Variants in XDH observed in about 807,000 individuals in gnomAD.
XDH encodes the protein xanthine dehydrogenase/oxidase.
Under a neutral mutation model 156.1 loss-of-function variants are expected in XDH, and 138 were observed. The observed-to-expected ratio is 0.88, with a 90% CI of 0.77 to 1.02. XDH has a LOEUF of 1.02. XDH is among the 50% of genes least tolerant of loss of function. The probability of loss-of-function intolerance (pLI) is 0.00; values close to 1 mark genes in which losing one functional copy is unlikely to be tolerated. For synonymous variants in XDH, 669 were observed against 625.7 expected, an observed-to-expected ratio of 1.07 and a Z score of -1.03; for missense variants, 1,849 against 1,684.9, an observed-to-expected ratio of 1.10 and a Z score of -1.71.
rs767245539 is a variant in XDH at position 31,377,217 on chromosome 2, G to A, written c.1263C>T (p.Phe421=). The A allele has an allele frequency of 1.2e-6, 2 of 1,614,144 alleles. No homozygotes were observed. Among genetic ancestry groups the A allele is most frequent in the South Asian group, 2.2e-5 (2 of 91,078 alleles). ...CATCTTCTCTCCGGGAGGCCTGCTT[G>A]AATGCTGAGAAATACTCCCCCTAAA... ...YSREGEYFSA[F]KQASRREDDI... The change falls in exon 14 of 36, where the codon TTC becomes TTT. Residue 421 remains phenylalanine (F), a synonymous_variant. Coordinates refer to ENST00000379416, the MANE Select transcript of XDH (RefSeq NM_000379.4).
chr2:31,348,397 C>G lies in XDH; in HGVS notation c.3052-34G>C, dbSNP rs367941268. The G allele has an allele frequency of 3.7e-6, 6 of 1,601,390 alleles. No individual in the cohort carries two copies. The African/African-American group carries it at 8.0e-5, about 21-fold the overall frequency. On this transcript the variant is annotated intron_variant, in intron 27 of 35. Transcript: ENST00000379416. Reference sequence around the variant, plus strand: ...AGAGAAGGATGCCAGACACAAAATTCAGTAAAATCCAACTCATTAAGGTTT... The same window carrying G: ...AGAGAAGGATGCCAGACACAAAATTGAGTAAAATCCAACTCATTAAGGTTT...
At chr2:31,337,465 T>C (rs545950291) in intron 35 of XDH, among the ~76,000 whole-genome samples, 176 bp downstream of exon 35, 1 of 152,328 alleles carries the variant, frequency 6.6e-6, no homozygotes, top group East Asian at 1.9e-4. Flanking sequence ...CTCATTATTC[T>C]CTTGCAAGTT....
At position 31,386,571 on chromosome 2, in the gene XDH, T is replaced by C; in HGVS notation, c.652-16A>G. 1 of 1,614,158 alleles carries C rather than the reference T, an allele frequency of 6.2e-7. No homozygotes were observed. The highest frequency in any genetic ancestry group is 8.5e-7 in the Non-Finnish European group (1 of 1,180,042). ...CTTTCAGCCTCTGGGAAATGCAGTT[T>C]TCTTACTACACTGTCTCCCTCTTCC... On this transcript the variant is annotated splice_polypyrimidine_tract_variant and intron_variant, in intron 8 of 35. Transcript: ENST00000379416.
At chr2:31,401,461 T>A in intron 3 of XDH, 133 bp from the exon 4 acceptor site, 2 of 941,480 alleles carry the variant, frequency 2.1e-6, no homozygotes, top group Non-Finnish European at 3.4e-6. Flanking sequence ...TCTTGTCTCT[T>A]CTACCAGTGT....
At chr2:31,351,948 T>C (rs1375723607) in intron 24 of XDH, among the ~76,000 whole-genome samples, 3 of 152,252 alleles carry the variant, frequency 2.0e-5, no homozygotes, top group Admixed American at 2.0e-4. Flanking sequence ...GGTTTCTAAA[T>C]TTCATAACAT....
At position 31,372,330 on chromosome 2, in the gene XDH, A is replaced by C. The variant is rs1306039693; in HGVS notation, c.1754T>G (p.Met585Arg). ...GTACACGGCCTCACCAGAGGCCTGC[A>C]TGTCCGCTGCCAGGTGGGGCAGGGG... ...GRPLPHLAAD[M>R]QASGEAVYCD... The change falls in exon 17 of 36, where the codon ATG (methionine) becomes AGG (arginine). Residue 585 changes from methionine to arginine, a missense_variant. Coordinates refer to ENST00000379416, the MANE Select transcript of XDH (RefSeq NM_000379.4). 1 of 1,614,178 alleles carries C rather than the reference A, an allele frequency of 6.2e-7. No individual in the cohort carries two copies. The highest frequency in any genetic ancestry group is 1.7e-5 in the Admixed American group (1 of 60,032).
intron 6 of XDH, among the ~76,000 whole-genome samples, chr2:31,396,177 C>T (rs1315503847): frequency 2.0e-5 from 3 of 152,200 alleles, no homozygotes; most frequent in Non-Finnish European, 4.4e-5. Context: ...TCAGAGCTCT[C>T]AGTCTTGCTC....
In XDH at chr2:31,370,457, A is replaced by G; in HGVS notation, c.1878T>C (p.Ala626=). 1 of 1,614,184 alleles carries G rather than the reference A, an allele frequency of 6.2e-7. No homozygotes were observed. Among genetic ancestry groups the G allele is most frequent in the Non-Finnish European group, 8.5e-7 (1 of 1,180,022 alleles). ...AKIKSIDTSE[A]KKVPGFVCFI... is the part of the protein sequence containing the mutation. Reference sequence around the variant, plus strand: ...AACAAACAAACCCTGGAACCTTCTTAGCTTCTGATGTATCTATGGACCTGC... The same window carrying G: ...AACAAACAAACCCTGGAACCTTCTTGGCTTCTGATGTATCTATGGACCTGC... The change falls in exon 18 of 36, where the codon GCT becomes GCC. Residue 626 remains alanine, a synonymous_variant. Transcript: ENST00000379416.
At chr2:31,406,587 T>C (rs1408486985) in intron 1 of XDH, among the ~76,000 whole-genome samples, 1 of 152,160 alleles carries the variant, frequency 6.6e-6, no homozygotes, top group East Asian at 1.9e-4. Flanking sequence ...AATTCTAAAA[T>C]TGTACCTCAA....
At chr2:31,361,718 A>G (rs1685785592) in intron 24 of XDH, among the ~76,000 whole-genome samples, 2 of 152,212 alleles carry the variant, frequency 1.3e-5, no homozygotes, top group African/African-American at 2.4e-5. Flanking sequence ...TTTACTTTCA[A>G]TAAAAAGACA....
intron 1 of XDH, among the ~76,000 whole-genome samples, chr2:31,413,212 A>G (rs1558321697): frequency 6.6e-6 from 1 of 152,230 alleles, no homozygotes; most frequent in Admixed American, 6.5e-5. Context: ...ATTACTAATA[A>G]AAATTCCAGA....
intron 13 of XDH, among the ~76,000 whole-genome samples, chr2:31,379,118 A>G (rs920585568): frequency 6.6e-6 from 1 of 152,162 alleles, no homozygotes; most frequent in African/African-American, 2.4e-5. Flanking sequence ...CTTTTCTGAC[A>G]GGCCCTTTTG....
Position 31,339,479 on chromosome 2 carries a change from G to A in XDH, c.3774+10C>T, listed in dbSNP as rs772904288. Reference sequence around the variant, plus strand: ...TCAGAAGAGACAGCACAGAGCCAGAGCAATGGTACCTTCGATGCATAGATG... The same window carrying A: ...TCAGAAGAGACAGCACAGAGCCAGAACAATGGTACCTTCGATGCATAGATG... On this transcript the variant is annotated intron_variant, in intron 34 of 35. Transcript: ENST00000379416. The A allele has an allele frequency of 1.9e-6, 3 of 1,613,720 alleles. No individual in the cohort carries two copies. The African/African-American group carries it at 4.0e-5, about 22-fold the overall frequency.
At chr2:31,342,832 A>T (rs1685163028) in intron 31 of XDH, among the ~76,000 whole-genome samples, 1 of 152,162 alleles carries the variant, frequency 6.6e-6, no homozygotes, top group African/African-American at 2.4e-5. Flanking sequence ...TCAACAAATG[A>T]TTTGAGGGAA....
Position 31,397,099 on chromosome 2 carries a change from T to C in XDH, c.495+569A>G, listed in dbSNP as rs1364524292. ...CCAGCTCTCTGCCTTCCTTGCCAGATGGCAGGTGTGTGTATGTGTTTATAT... is the reference window on the plus strand; with the variant it reads ...CCAGCTCTCTGCCTTCCTTGCCAGACGGCAGGTGTGTGTATGTGTTTATAT... On this transcript the variant is annotated intron_variant, in intron 6 of 35. Coordinates refer to ENST00000379416, the MANE Select transcript of XDH (RefSeq NM_000379.4). Among the ~76,000 whole-genome samples, 3 of 152,206 alleles carry C rather than the reference T, an allele frequency of 2.0e-5. No individual in the cohort carries two copies. The East Asian group carries it at 5.8e-4, about 29-fold the overall frequency.
chr2:31,344,212 C>T (rs925582455), intron 31 of XDH, among the ~76,000 whole-genome samples: 1 of 152,156 alleles, frequency 6.6e-6, no homozygotes, highest in Non-Finnish European at 1.5e-5. Flanking sequence ...TGTAATAAGA[C>T]CACGTGCTCT....
chr2:31,346,563 C>T (rs377635816), intron 30 of XDH, among the ~76,000 whole-genome samples: 1 of 152,186 alleles, frequency 6.6e-6, no homozygotes, highest in East Asian at 1.9e-4. Context: ...CTCAAATGAC[C>T]TCCCTCAATG....
intron 31 of XDH, among the ~76,000 whole-genome samples, chr2:31,343,125 C>T (rs1324918973): frequency 6.6e-6 from 1 of 151,880 alleles, no homozygotes; most frequent in Non-Finnish European, 1.5e-5. Flanking sequence ...CCACCAATTC[C>T]TTTGACCTCT....
In XDH at chr2:31,366,980, C is replaced by G. The variant is rs780514059; in HGVS notation, c.2212G>C (p.Gly738Arg). Residue 738 changes from glycine to arginine, a missense_variant, in exon 21 of 36, where the codon GGT (glycine) becomes CGT (arginine). Gly to Arg is a moderately radical substitution (Grantham distance 125). Transcript: ENST00000379416. Reference sequence around the variant, plus strand: ...TCCAGGTAGAAGTGCTCTTGGCCACCGATGTATATCTCCCCTGGGGAAGCA... The same window carrying G: ...TCCAGGTAGAAGTGCTCTTGGCCACGGATGTATATCTCCCCTGGGGAAGCA... ...DNVVSGEIYI[G>R]GQEHFYLETH... The G allele has an allele frequency of 1.9e-6, 3 of 1,613,970 alleles. No individual in the cohort carries two copies. The highest frequency in any genetic ancestry group is 2.5e-6 in the Non-Finnish European group (3 of 1,179,944).
Sources: gnomAD v4.1 joint callset for allele counts (sites outside exome capture counted in the v4.1 genomes callset) on GRCh38, gnomAD v4.1.1 for gene constraint, MANE v1.5 for transcripts, NCBI Gene and HGNC (gene_info 2026-07-23, HGNC 2026-07-21) for gene names.